The following SASH1 variants were observed in gnomAD, a reference collection of about 807,000 sequenced individuals.
SASH1 encodes SAM and SH3 domain containing 1, also known as SAM and SH3 domain-containing protein 1.
Under a neutral mutation model 125.2 loss-of-function variants are expected in SASH1, and 44 were observed. The observed-to-expected ratio is 0.35, with a 90% CI of 0.28 to 0.45. SASH1 has a LOEUF of 0.45. Ranked by LOEUF, SASH1 falls within the 20% of genes least tolerant of loss-of-function variation. The pLI is 1.00. For synonymous variants in SASH1, 639 were observed against 649.1 expected, an observed-to-expected ratio of 0.98 and a Z score of 0.24; for missense variants, 1,426 against 1,614.5, an observed-to-expected ratio of 0.88 and a Z score of 2.00.
intron 4 of SASH1, among the ~76,000 whole-genome samples, chr6:148,465,234 G>C (rs1481957701): frequency 6.6e-6 from 1 of 151,986 alleles, no homozygotes; most frequent in Non-Finnish European, 1.5e-5. Flanking sequence ...GGGGATATTT[G>C]GTCCATAGCA....
intron 2 of SASH1, among the ~76,000 whole-genome samples, chr6:148,411,713 T>A (rs1310167767): frequency 6.6e-6 from 1 of 152,166 alleles, no homozygotes; most frequent in Non-Finnish European, 1.5e-5. Context: ...CCAAATAATT[T>A]TTGTACTTTT....
intron 1 of SASH1, among the ~76,000 whole-genome samples, chr6:148,387,626 T>TCTCTCTCTCTCTCTC (rs1783488476): frequency 2.5e-5 from 1 of 40,142 alleles, no homozygotes; most frequent in Non-Finnish European, 5.3e-5. Flanking sequence ...CTTTCTTTCT[T>TCTCTCTCTCTCTCTC]TCTTTCTTTC....
intron 2 of SASH1, among the ~76,000 whole-genome samples, chr6:148,436,462 G>C (rs1413466556): frequency 1.3e-5 from 2 of 151,904 alleles, no homozygotes; most frequent in Non-Finnish European, 2.9e-5. Context: ...CCATGATCTC[G>C]CCACTGAATT....
At chr6:148,357,181 A>G (rs943279406) in intron 1 of SASH1, among the ~76,000 whole-genome samples, 3 of 152,086 alleles carry the variant, frequency 2.0e-5, no homozygotes, top group African/African-American at 7.2e-5. Context: ...ACATATGCTG[A>G]TTGGATTTAT....
chr6:148,394,147 C>T (rs1167502221), intron 2 of SASH1, among the ~76,000 whole-genome samples: 1 of 152,144 alleles, frequency 6.6e-6, no homozygotes, highest in Non-Finnish European at 1.5e-5. Context: ...CCCGGCTTGG[C>T]CTCCCAAAGT....
intron 1 of SASH1, among the ~76,000 whole-genome samples, chr6:148,336,179 T>TC (rs1781147835): frequency 8.7e-6 from 1 of 115,464 alleles, no homozygotes; most frequent in Admixed American, 8.3e-5. Context: ...CTGCATCCTT[T>TC]TTTTTTTTTT....
chr6:148,362,851 A>AATAC (rs938216571), intron 1 of SASH1, among the ~76,000 whole-genome samples: 57 of 152,246 alleles, frequency 3.7e-4, no homozygotes, highest in African/African-American at 1.2e-3. Context: ...TTGCCTCAAA[A>AATAC]ATACATACAT....
chr6:148,270,370 T>C (rs557081831), upstream of SASH1, among the ~76,000 whole-genome samples: 134 of 78,048 alleles, frequency 1.7e-3, no homozygotes, highest in Admixed American at 3.1e-3. Context: ...TTACTGACTT[T>C]AATATTTTAA....
intron 2 of SASH1, among the ~76,000 whole-genome samples, chr6:148,411,146 C>A (rs1160616458): frequency 1.1e-5 from 1 of 93,810 alleles, no homozygotes; most frequent in East Asian, 3.3e-4. Context: ...GTGCCTACAA[C>A]AAGAGCGAAA....
chr6:148,521,023 G>T (rs893656658), intron 10 of SASH1, among the ~76,000 whole-genome samples: 1 of 152,132 alleles, frequency 6.6e-6, no homozygotes, highest in Non-Finnish European at 1.5e-5. Context: ...AGATTCTTCT[G>T]TACTCAGCAA....
the SASH1 span, among the ~76,000 whole-genome samples, chr6:148,253,634 AG>A: frequency 2.6e-5 from 4 of 152,186 alleles, no homozygotes; most frequent in African/African-American, 9.7e-5. Context: ...GCACTTTGGG[AG>A]GCCAAGGAGG....
At chr6:148,497,013 CT>C (rs1779342845) in intron 8 of SASH1, among the ~76,000 whole-genome samples, 1 of 151,760 alleles carries the variant, frequency 6.6e-6, no homozygotes, top group Non-Finnish European at 1.5e-5. Flanking sequence ...TTTTATTTCG[CT>C]GGGTAGGAGA....
At chr6:148,196,605 G>A in the SASH1 span, among the ~76,000 whole-genome samples, 1 of 152,182 alleles carries the variant, frequency 6.6e-6, no homozygotes, top group Non-Finnish European at 1.5e-5. Flanking sequence ...CATCAGGCAA[G>A]TGCTCATCGA....
intron 1 of SASH1, among the ~76,000 whole-genome samples, chr6:148,326,384 C>A (rs1191435021): frequency 8.2e-4 from 37 of 44,954 alleles, no homozygotes; most frequent in South Asian, 2.1e-3. Flanking sequence ...ACATTCTTTT[C>A]TTTTCTTTTC....
intron 1 of SASH1, among the ~76,000 whole-genome samples, chr6:148,323,285 C>T (rs1313013629): frequency 6.6e-6 from 1 of 152,164 alleles, no homozygotes; most frequent in African/African-American, 2.4e-5. Flanking sequence ...GCTGAGATTA[C>T]AGGCGTGAGC....
At chr6:148,197,624 G>A in the SASH1 span, among the ~76,000 whole-genome samples, 1 of 152,086 alleles carries the variant, frequency 6.6e-6, no homozygotes, top group African/African-American at 2.4e-5. Context: ...TGCTCCTGAG[G>A]GTCATTTTCC....
At chr6:148,290,979 G>A (rs797008767) in intron 1 of SASH1, among the ~76,000 whole-genome samples, 2 of 147,498 alleles carry the variant, frequency 1.4e-5, no homozygotes, top group Non-Finnish European at 3.0e-5. Context: ...CTTAATGCCT[G>A]CATTCTTCCA....
intron 1 of SASH1, among the ~76,000 whole-genome samples, chr6:148,356,039 C>T (rs1242055290): frequency 3.3e-5 from 5 of 151,608 alleles, no homozygotes; most frequent in African/African-American, 1.2e-4. Flanking sequence ...ACGCTTCCCC[C>T]CAAGTCCCCC....
At chr6:148,356,488 T>G (rs1159945564) in intron 1 of SASH1, among the ~76,000 whole-genome samples, 1 of 114,706 alleles carries the variant, frequency 8.7e-6, no homozygotes, top group Non-Finnish European at 1.8e-5. Context: ...AGATCTACTT[T>G]TAGTTCTTTT....
Sources: gnomAD v4.1 joint callset for allele counts (sites outside exome capture counted in the v4.1 genomes callset) on GRCh38, gnomAD v4.1.1 for gene constraint, MANE v1.5 for transcripts, NCBI Gene and HGNC (gene_info 2026-07-23, HGNC 2026-07-21) for gene names.